Variants in RGS6 observed in about 807,000 individuals in gnomAD.
RGS6 encodes regulator of G protein signaling 6, also known as regulator of G-protein signaling 6.
Under a neutral mutation model 78.5 loss-of-function variants are expected in RGS6, and 30 were observed. That is an observed-to-expected ratio of 0.38 (90% CI 0.29 to 0.52). The LOEUF (loss-of-function observed/expected upper bound fraction) is 0.52. RGS6 is among the 20% of genes least tolerant of loss of function. The pLI, the probability that RGS6 is intolerant of heterozygous loss-of-function variation, is 0.85. For synonymous variants in RGS6, 206 were observed against 206.0 expected, an observed-to-expected ratio of 1.00 and a Z score of 0.00; for missense variants, 495 against 609.7, an observed-to-expected ratio of 0.81 and a Z score of 1.98.
intron 2 of RGS6, among the ~76,000 whole-genome samples, chr14:72,292,625 GCCTGACCTGCTCTTGTTCT>G (rs1288927768): frequency 2.0e-5 from 3 of 152,182 alleles, no homozygotes; most frequent in Admixed American, 6.5e-5. Context: ...GGTTCTGCAG[GCCTGACCTGCTCTTGTTCT>G]CCTTGAGTAA....
chr14:72,041,557 A>G (rs890806923), intron 2 of RGS6, among the ~76,000 whole-genome samples: 2 of 152,202 alleles, frequency 1.3e-5, no homozygotes, highest in Non-Finnish European at 2.9e-5. Context: ...CTGGATGTGC[A>G]TTCACTCCTC....
At chr14:72,451,239 A>G (rs2095485841) in intron 3 of RGS6, among the ~76,000 whole-genome samples, 1 of 152,176 alleles carries the variant, frequency 6.6e-6, no homozygotes. Flanking sequence ...TCTCCAGATG[A>G]GACAGCAGCT....
intron 2 of RGS6, among the ~76,000 whole-genome samples, chr14:72,117,720 G>T (rs1434487125): frequency 6.6e-6 from 1 of 152,160 alleles, no homozygotes. Flanking sequence ...GCTACTCAGG[G>T]CAGTCATGGG....
At chr14:72,312,557 T>C (rs1030277020) in intron 2 of RGS6, among the ~76,000 whole-genome samples, 2 of 152,234 alleles carry the variant, frequency 1.3e-5, no homozygotes, top group African/African-American at 4.8e-5. Flanking sequence ...TGGGAATTAA[T>C]TTCTTTATTT....
chr14:72,344,730 T>C (rs145897114), intron 2 of RGS6, among the ~76,000 whole-genome samples: 2,099 of 152,262 alleles, frequency 0.014, 23 homozygotes, highest in Non-Finnish European at 0.02. Context: ...ATCGTTGATA[T>C]GGAGAAAAGA....
chr14:72,429,166 C>T (rs1033756202), intron 3 of RGS6, among the ~76,000 whole-genome samples: 2 of 152,208 alleles, frequency 1.3e-5, no homozygotes, highest in South Asian at 2.1e-4. Flanking sequence ...CATGCCACTG[C>T]ACTCAAGCCT....
intron 2 of RGS6, among the ~76,000 whole-genome samples, chr14:71,993,295 G>T (rs114644143): frequency 1.4e-5 from 2 of 138,244 alleles, no homozygotes; most frequent in Admixed American, 1.5e-4. Context: ...CATGAACAGC[G>T]CACACTTTGA....
At chr14:72,058,261 G>A (rs1262673359) in intron 2 of RGS6, among the ~76,000 whole-genome samples, 3 of 152,032 alleles carry the variant, frequency 2.0e-5, no homozygotes, top group Non-Finnish European at 4.4e-5. Context: ...CAATATAATA[G>A]CTGCCAATTG....
chr14:72,333,636 G>C (rs1179694267), intron 2 of RGS6, among the ~76,000 whole-genome samples: 1 of 152,158 alleles, frequency 6.6e-6, no homozygotes, highest in Non-Finnish European at 1.5e-5. Flanking sequence ...TCTTCAGCTG[G>C]TGTTTTGGGC....
chr14:72,547,426 C>G, intron 17 of RGS6: 1 of 1,051,152 alleles, frequency 9.5e-7, no homozygotes. Flanking sequence ...GTGGAAACAA[C>G]AGGGGATGCT....
chr14:71,925,837 A>C, the RGS6 span, among the ~76,000 whole-genome samples: 1 of 151,900 alleles, frequency 6.6e-6, no homozygotes, highest in African/African-American at 2.4e-5. Flanking sequence ...TTACAAAATC[A>C]CATAAAAATC....
At chr14:72,599,575 A>AT in the RGS6 span, among the ~76,000 whole-genome samples, 3,623 of 103,196 alleles carry the variant, frequency 0.035, 82 homozygotes, top group Admixed American at 0.065. Context: ...CGCCTGGCTA[A>AT]TTTTTTTTTT....
intron 2 of RGS6, among the ~76,000 whole-genome samples, chr14:72,222,139 A>G (rs1029049707): frequency 1.3e-5 from 2 of 152,226 alleles, no homozygotes; most frequent in Non-Finnish European, 2.9e-5. Context: ...ATACATTTAC[A>G]TAGACGATTT....
At chr14:72,348,073 C>G (rs2078400563) in intron 2 of RGS6, among the ~76,000 whole-genome samples, 1 of 152,234 alleles carries the variant, frequency 6.6e-6, no homozygotes, top group African/African-American at 2.4e-5. Flanking sequence ...CGAGAAGTTT[C>G]CTAGGATCAG....
chr14:72,533,392 T>C (rs1264887143), intron 15 of RGS6, among the ~76,000 whole-genome samples: 1 of 152,222 alleles, frequency 6.6e-6, no homozygotes, highest in Non-Finnish European at 1.5e-5. Context: ...CTGATGGAGA[T>C]GTACAAGGAG....
intron 17 of RGS6, among the ~76,000 whole-genome samples, chr14:72,551,247 T>C (rs1356605215): frequency 2.0e-5 from 3 of 152,142 alleles, no homozygotes; most frequent in Non-Finnish European, 4.4e-5. Context: ...AGCAGGTTCA[T>C]CCAGGTTCCC....
intron 2 of RGS6, among the ~76,000 whole-genome samples, chr14:72,230,082 A>G (rs2153808783): frequency 6.6e-6 from 1 of 152,356 alleles, no homozygotes; most frequent in Admixed American, 6.5e-5. Context: ...TGGGGTATCA[A>G]ATTGTCTGGC....
Position 72,166,778 on chromosome 14 carries a change from G to A in RGS6, c.85-185317G>A, listed in dbSNP as rs367816965. ...CAGAAGATATAACACAGCTGGTGGA[G>A]GGTAATGATCAATCGCCAGACTACC... is the stretch of plus-strand genomic sequence containing the variant. On this transcript the variant is annotated intron_variant, in intron 2 of 17. Coordinates refer to ENST00000553525, the MANE Select transcript of RGS6 (RefSeq NM_001204424.2). Among the ~76,000 whole-genome samples, 4 of 152,200 alleles carry A rather than the reference G, an allele frequency of 2.6e-5. No homozygotes were observed. The East Asian group carries it at 7.7e-4, about 29-fold the overall frequency.
intron 2 of RGS6, among the ~76,000 whole-genome samples, chr14:72,113,996 A>G (rs781188018): frequency 9.9e-5 from 15 of 152,222 alleles, no homozygotes; most frequent in Non-Finnish European, 1.8e-4. Context: ...TTATTTATCC[A>G]TAAAATCAAG....
Sources: gnomAD v4.1 joint callset for allele counts (sites outside exome capture counted in the v4.1 genomes callset) on GRCh38, gnomAD v4.1.1 for gene constraint, MANE v1.5 for transcripts, NCBI Gene and HGNC (gene_info 2026-07-23, HGNC 2026-07-21) for gene names.